SYNE1: variants seen among roughly 807,000 people sequenced by gnomAD.
SYNE1 encodes nesprin-1.
A neutral mutation model predicts 1,111.0 loss-of-function variants in SYNE1; 616 were observed. That is an observed-to-expected ratio of 0.55 (90% CI 0.52 to 0.59). SYNE1 has a LOEUF of 0.59. SYNE1 is among the 20% of genes least tolerant of loss of function. The pLI, the probability that SYNE1 is intolerant of heterozygous loss-of-function variation, is 0.00. For synonymous variants in SYNE1, 3,855 were observed against 3,825.8 expected (o/e 1.01, Z -0.28); for missense variants, 10,006 against 10,417.0 (o/e 0.96, Z 1.72).
At chr6:152,477,014 C>A (rs1265994372) in intron 14 of SYNE1, among the ~76,000 whole-genome samples, 1 of 152,096 alleles carries the variant, frequency 6.6e-6, no homozygotes, top group East Asian at 1.9e-4. Context: ...TATACATAGG[C>A]ACAGAAAACA....
chr6:152,542,892 C>G (rs1401295867), intron 3 of SYNE1, among the ~76,000 whole-genome samples: 1 of 152,002 alleles, frequency 6.6e-6, no homozygotes, highest in African/African-American at 2.4e-5. Flanking sequence ...CTAAAATAGA[C>G]ACAGTTAGAT....
At chr6:152,337,898 A>G (rs2096440111) in intron 75 of SYNE1, among the ~76,000 whole-genome samples, 1 of 152,196 alleles carries the variant, frequency 6.6e-6, no homozygotes, top group Admixed American at 6.5e-5. Context: ...CTGTAATCCT[A>G]GCACTTTGGG....
At chr6:152,468,314 T>G (rs1017674022) in intron 16 of SYNE1, among the ~76,000 whole-genome samples, 3 of 152,194 alleles carry the variant, frequency 2.0e-5, no homozygotes, top group African/African-American at 7.2e-5. Flanking sequence ...AAAATGAATA[T>G]TCACACTATG....
At position 152,122,620 on chromosome 6, in the gene SYNE1, C is replaced by A. The variant is rs772814249; in HGVS notation, c.26210G>T (p.Gly8737Val). The change falls in exon 146 of 146, where the codon GGC becomes GTC. Residue 8737 changes from glycine (G) to valine (V), a missense_variant. Coordinates refer to ENST00000367255, the MANE Select transcript of SYNE1 (RefSeq NM_182961.4). ...SLSEPGPGRSGRGFLFRVLRA... is the reference protein window; with the variant it reads ...SLSEPGPGRSVRGFLFRVLRA... The stretch of plus-strand genomic sequence containing the variant: ...GAGGACTCTGAACAGGAAGCCGCGG[C>A]CGGACCGACCTGGCCCTGGCTCAGA... 16 of 1,614,102 alleles carry A rather than the reference C, an allele frequency of 9.9e-6. No individual in the cohort carries two copies. In the Admixed American group the frequency reaches 2.7e-4, roughly 27 times the overall value.
chr6:152,507,571 T>G (rs1285941881), intron 8 of SYNE1, among the ~76,000 whole-genome samples: 1 of 152,174 alleles, frequency 6.6e-6, no homozygotes, highest in Non-Finnish European at 1.5e-5. Context: ...TATTTGAGAA[T>G]TTTAGATATG....
intron 3 of SYNE1, among the ~76,000 whole-genome samples, chr6:152,570,401 C>T (rs965807992): frequency 6.6e-6 from 1 of 152,196 alleles, no homozygotes; most frequent in Non-Finnish European, 1.5e-5. Flanking sequence ...AGATTCTCTC[C>T]TGTGAACAGG....
chr6:152,605,006 A>AAGAAAG (rs1565139805), intron 3 of SYNE1, among the ~76,000 whole-genome samples: 18 of 25,582 alleles, frequency 7.0e-4, no homozygotes, highest in South Asian at 2.5e-3. Context: ...GAAAGAAAGA[A>AAGAAAG]AGAGAGAGAG....
chr6:152,526,240 C>T, intron 4 of SYNE1, 65 bp from the exon 5 acceptor site: 1 of 1,503,188 alleles, frequency 6.7e-7, no homozygotes, highest in Non-Finnish European at 9.2e-7. Context: ...CTCTTTCTCT[C>T]TCTCACCTTT....
At chr6:152,343,307 T>C (rs2096570384) in intron 74 of SYNE1, among the ~76,000 whole-genome samples, 2 of 151,228 alleles carry the variant, frequency 1.3e-5, no homozygotes, top group Admixed American at 1.3e-4. Flanking sequence ...TACAGGCGCC[T>C]GCCACCATGC....
Position 152,472,342 on chromosome 6 carries a change from C to G in SYNE1, c.1422G>C (p.Gly474=). ...CTAATTGATCAGGTGGCACTGGAAT[C>G]CCGTTAACAGACCTGGTCCGGTAGA... ...HEIYRTRSVN[G]IPVPPDQLED... Residue 474 remains glycine, a synonymous_variant, in exon 15 of 146, where the codon GGG becomes GGC. Coordinates refer to ENST00000367255, the MANE Select transcript of SYNE1 (RefSeq NM_182961.4). 1 of 1,614,034 alleles carries G rather than the reference C, an allele frequency of 6.2e-7. No homozygotes were observed. Among genetic ancestry groups the G allele is most frequent in the Non-Finnish European group, 8.5e-7 (1 of 1,179,952 alleles).
chr6:152,300,691 C>T lies in SYNE1; in HGVS notation c.17632G>A (p.Ala5878Thr), dbSNP rs1325222849. 1 of 1,614,196 alleles carries T rather than the reference C, an allele frequency of 6.2e-7. No homozygotes were observed. Among genetic ancestry groups the T allele is most frequent in the East Asian group, 2.2e-5 (1 of 44,888 alleles). Residue 5878 changes from alanine (A) to threonine (T), a missense_variant, in exon 93 of 146, where the codon GCC becomes ACC. Ala to Thr is a moderately conservative substitution (Grantham distance 58). Coordinates refer to ENST00000367255, the MANE Select transcript of SYNE1 (RefSeq NM_182961.4). ...GCCACAGGTGAAGGGGAGCGACAGG[C>T]AGGTGGAGAGGAAATCTCACTGTTG... ...GTNSEISSPP[A>T]CRSPSPVANT...
chr6:152,390,531 A>C, intron 52 of SYNE1, 79 bp from the exon 53 acceptor site: 1 of 1,428,220 alleles, frequency 7.0e-7, no homozygotes, highest in South Asian at 1.2e-5. Flanking sequence ...GTTTTCCATA[A>C]GAATTGAAGT....
In SYNE1 at chr6:152,635,658, T is replaced by C. The variant is rs188888774; in HGVS notation, c.-224+980A>G. On this transcript the variant is annotated intron_variant, in intron 2 of 145. Coordinates refer to ENST00000367255, the MANE Select transcript of SYNE1 (RefSeq NM_182961.4). ...GGCTTCTGTATACGAATGTTGTCTT[T>C]AGGAAAGTCATTCTCAGATGAAGAC... Among the ~76,000 whole-genome samples, 63 of 152,294 alleles carry C rather than the reference T, an allele frequency of 4.1e-4. No individual in the cohort carries two copies. The Middle Eastern group carries it at 0.01, about 25-fold the overall frequency.
intron 3 of SYNE1, among the ~76,000 whole-genome samples, chr6:152,573,763 T>C (rs1018559822): frequency 2.6e-5 from 4 of 152,204 alleles, no homozygotes; most frequent in African/African-American, 4.8e-5. Flanking sequence ...ATTAGGTTAA[T>C]TATTTTTTAA....
At chr6:152,574,732 T>A (rs1416090970) in intron 3 of SYNE1, among the ~76,000 whole-genome samples, 1 of 152,208 alleles carries the variant, frequency 6.6e-6, no homozygotes, top group East Asian at 1.9e-4. Flanking sequence ...TTGAAGTAAC[T>A]AAGGTAATCA....
In SYNE1 at chr6:152,466,059, T is replaced by G; in HGVS notation, c.1652A>C (p.Lys551Thr). The G allele has an allele frequency of 1.2e-6, 2 of 1,610,164 alleles. No individual in the cohort carries two copies. The highest frequency in any genetic ancestry group is 1.7e-6 in the Non-Finnish European group (2 of 1,176,806). The change falls in exon 17 of 146, where the codon AAG (lysine) becomes ACG (threonine). Residue 551 changes from lysine to threonine, a missense_variant. Physicochemically the swap from Lys to Thr is moderately conservative, Grantham distance 78. Around this residue, in one of 7 missense-constraint regions of SYNE1, gnomAD observed 1,971 missense variants for 2,084.1 expected, o/e 0.95. Coordinates refer to ENST00000367255, the MANE Select transcript of SYNE1 (RefSeq NM_182961.4). Reference protein sequence around the residue: ...QNYVSFIENSKFFEQYEVTYQ... With the variant: ...QNYVSFIENSTFFEQYEVTYQ... ...TGTCACCTCATATTGTTCAAAGAAC[T>G]TGCTATTTTCTATAAAAGACTAGAA...
At chr6:152,153,910 A>C (rs1678128321) in intron 133 of SYNE1, among the ~76,000 whole-genome samples, 1 of 152,218 alleles carries the variant, frequency 6.6e-6, no homozygotes, top group Non-Finnish European at 1.5e-5. Flanking sequence ...TAAAAAAGCG[A>C]ACTTCTTATT....
intron 78 of SYNE1, 65 bp from the exon 79 acceptor site, chr6:152,326,698 T>C: frequency 6.7e-7 from 1 of 1,484,936 alleles, no homozygotes; most frequent in Non-Finnish European, 9.2e-7. Context: ...GAAAGAGTTT[T>C]ATTCACTCAT....
At chr6:152,457,439 C>A (rs912062703) in intron 22 of SYNE1, among the ~76,000 whole-genome samples, 1 of 152,130 alleles carries the variant, frequency 6.6e-6, no homozygotes, top group African/African-American at 2.4e-5. Flanking sequence ...AGTGGCAAAC[C>A]TTTTGTACAT....
Sources: gnomAD v4.1 joint callset for allele counts (sites outside exome capture counted in the v4.1 genomes callset) on GRCh38, gnomAD v4.1.1 for gene constraint, gnomAD v4.1.1 regional missense constraint, MANE v1.5 for transcripts, NCBI Gene and HGNC (gene_info 2026-07-23, HGNC 2026-07-21) for gene names.